TMEM164: variants seen among roughly 807,000 people sequenced by gnomAD.
TMEM164 encodes transmembrane protein 164.
In TMEM164, 4 loss-of-function variants were observed where a neutral mutation model predicts 18.8. The observed-to-expected ratio is 0.21, with a 90% CI of 0.10 to 0.49. The LOEUF (loss-of-function observed/expected upper bound fraction) is 0.49, where lower values mean the gene tolerates loss of function less well. Among genes scored for constraint, TMEM164 ranks in the 20% least tolerant of loss-of-function variants. The pLI is 0.98. For missense variants in TMEM164, 108 were observed against 239.9 expected, an observed-to-expected ratio of 0.45 and a Z score of 3.63; for synonymous variants, 86 against 101.7, an observed-to-expected ratio of 0.85 and a Z score of 0.93.
chrX:110,143,872 AGAG>A (rs1442581242), intron 4 of TMEM164, among the ~76,000 whole-genome samples: 2 of 110,485 alleles, frequency 1.8e-5, no homozygotes, highest in Non-Finnish European at 3.8e-5. Context: ...TGTAAGCCCA[AGAG>A]GCTAGGCCTC....
At chrX:110,056,749 C>T (rs1224835876) in intron 2 of TMEM164, among the ~76,000 whole-genome samples, 1 of 111,745 alleles carries the variant, frequency 8.9e-6, no homozygotes, top group African/African-American at 3.2e-5. Flanking sequence ...TATGAAGTGT[C>T]ATCTCATTGT....
At position 110,024,346 on chromosome X, in the gene TMEM164, T is replaced by A. The variant is rs777645964; in HGVS notation, c.390+20182T>A. On this transcript the variant is annotated intron_variant, in intron 2 of 6. Coordinates refer to ENST00000372068, the MANE Select transcript of TMEM164 (RefSeq NM_032227.4). ...ATCACTCAGGCTAGATGCAGTGGTG[T>A]AATTACAGCTCAACTGTAACCTCGA... 3.6e-5 allele frequency among the ~76,000 whole-genome samples: 4 copies of A among 111,773 alleles called. No individual in the cohort carries two copies. The East Asian group carries it at 1.1e-3, about 31-fold the overall frequency.
chrX:110,134,297 C>G (rs749793079), intron 4 of TMEM164, among the ~76,000 whole-genome samples: 2 of 110,844 alleles, frequency 1.8e-5, no homozygotes, highest in Non-Finnish European at 3.8e-5. Context: ...CGCCTGTAAT[C>G]GCAGCACTTT....
At chrX:110,145,396 G>A (rs1034559856) in intron 5 of TMEM164, among the ~76,000 whole-genome samples, 3 of 111,640 alleles carry the variant, frequency 2.7e-5, no homozygotes, top group Non-Finnish European at 3.8e-5. Flanking sequence ...TTCATTTGGT[G>A]AAGAGGGAGA....
chrX:110,078,287 G>C (rs1000136842), intron 3 of TMEM164, among the ~76,000 whole-genome samples: 5 of 111,970 alleles, frequency 4.5e-5, no homozygotes, highest in African/African-American at 1.6e-4. Context: ...AACTTGTGTA[G>C]TGAAGTTTTT....
intron 2 of TMEM164, among the ~76,000 whole-genome samples, chrX:110,018,879 T>C (rs767447255): frequency 3.6e-4 from 39 of 109,005 alleles, no homozygotes; most frequent in Non-Finnish European, 6.2e-4. Flanking sequence ...GTGCTGTGAA[T>C]ATATGAATGT....
chrX:110,179,313 A>G (rs994751241), downstream of TMEM164, among the ~76,000 whole-genome samples: 1 of 111,121 alleles, frequency 9.0e-6, no homozygotes, highest in African/African-American at 3.3e-5. Context: ...CCTAGTCTGT[A>G]TTCCCTCCTG....
chrX:110,176,406 C>T lies in TMEM164; in HGVS notation c.*2955C>T. On this transcript the variant is annotated 3_prime_UTR_variant, in exon 7 of 7. Transcript: ENST00000372068. The stretch of plus-strand genomic sequence containing the variant: ...TCCTCTGTCAGCCTGTGAAGGCATG[C>T]AGGGTTCTGAAGCCACAGACTCAGT... 1.3e-6 allele frequency: 1 copy of T among 756,797 alleles called. No homozygotes were observed. The highest frequency in any genetic ancestry group is 1.6e-6 in the Non-Finnish European group (1 of 639,597). The allele number at this position is 756,797 out of a possible 1,213,427, so 62.4% of individuals were successfully genotyped here. A position where few individuals can be genotyped will look rare whatever the true frequency, so the allele number is the denominator to read the frequency against.
At chrX:110,047,877 C>T (rs1935382953) in intron 2 of TMEM164, among the ~76,000 whole-genome samples, 1 of 111,938 alleles carries the variant, frequency 8.9e-6, no homozygotes, top group Non-Finnish European at 1.9e-5. Flanking sequence ...CAGCCCCTTA[C>T]CAGAATGCCT....
intron 2 of TMEM164, among the ~76,000 whole-genome samples, chrX:110,060,772 G>A (rs1447246854): frequency 9.0e-6 from 1 of 111,301 alleles, no homozygotes; most frequent in Non-Finnish European, 1.9e-5. Flanking sequence ...GTACTGTTCA[G>A]TTTACTCTGT....
intron 3 of TMEM164, among the ~76,000 whole-genome samples, chrX:110,078,143 T>C: frequency 8.9e-6 from 1 of 111,876 alleles, no homozygotes; most frequent in Admixed American, 9.5e-5. Flanking sequence ...TCTTGAAACT[T>C]TTGCTCATTT....
At chrX:110,043,823 T>A (rs1198652668) in intron 2 of TMEM164, among the ~76,000 whole-genome samples, 2 of 112,467 alleles carry the variant, frequency 1.8e-5, no homozygotes, top group Non-Finnish European at 3.8e-5. Flanking sequence ...CACATTTTTT[T>A]TAAAATAACA....
Position 110,121,589 on chromosome X carries a change from G to A in TMEM164, c.507+12443G>A, listed in dbSNP as rs185578226. On this transcript the variant is annotated intron_variant, in intron 4 of 6. Transcript: ENST00000372068. Reference sequence around the variant, plus strand: ...TGTATTATATATCACATTTTGTTTAGCCATTTGTCGGTTAGTGTACATTTG... The same window carrying A: ...TGTATTATATATCACATTTTGTTTAACCATTTGTCGGTTAGTGTACATTTG... 1.5e-3 allele frequency among the ~76,000 whole-genome samples: 173 copies of A among 111,896 alleles called. 1 individual carries two copies. The highest frequency in any genetic ancestry group is 0.015 in the Admixed American group (160 of 10,538).
intron 5 of TMEM164, among the ~76,000 whole-genome samples, chrX:110,164,130 T>C (rs2148119123): frequency 8.9e-6 from 1 of 112,102 alleles, no homozygotes; most frequent in South Asian, 3.7e-4. Context: ...TGATCACGAA[T>C]TTGAAGTGAG....
At chrX:110,158,969 G>T (rs1373053818) in intron 5 of TMEM164, among the ~76,000 whole-genome samples, 3 of 112,260 alleles carry the variant, frequency 2.7e-5, no homozygotes, top group African/African-American at 9.7e-5. Context: ...AGCATTAAAT[G>T]ACTTAATGTA....
intron 2 of TMEM164, among the ~76,000 whole-genome samples, chrX:110,022,693 T>C (rs1019980875): frequency 1.8e-4 from 20 of 112,218 alleles, no homozygotes; most frequent in African/African-American, 6.2e-4. Context: ...TCACATAACA[T>C]GTATTAAGCA....
At chrX:110,105,623 G>T (rs754397244) in intron 3 of TMEM164, among the ~76,000 whole-genome samples, 4 of 106,197 alleles carry the variant, frequency 3.8e-5, no homozygotes, top group Non-Finnish European at 7.7e-5. Context: ...CCATTGGCAC[G>T]CAAGAACTTT....
intron 3 of TMEM164, among the ~76,000 whole-genome samples, chrX:110,087,509 T>C (rs4081383): frequency 0.48 from 52,728 of 110,372 alleles, 10,297 homozygotes; most frequent in Non-Finnish European, 0.62. Flanking sequence ...ATTAAGGTTT[T>C]CCAGGCTTTG....
intron 3 of TMEM164, among the ~76,000 whole-genome samples, chrX:110,070,927 A>G (rs2065578555): frequency 9.0e-6 from 1 of 110,854 alleles, no homozygotes; most frequent in Admixed American, 9.7e-5. Context: ...TGTAAATTTT[A>G]TTTTAGTTTT....
Sources: gnomAD v4.1 joint callset for allele counts (sites outside exome capture counted in the v4.1 genomes callset) on GRCh38, gnomAD v4.1.1 for gene constraint, MANE v1.5 for transcripts, NCBI Gene and HGNC (gene_info 2026-07-23, HGNC 2026-07-21) for gene names.